The following FGF9 variants were observed in gnomAD, a reference collection of about 807,000 sequenced individuals.
The protein encoded by FGF9 is fibroblast growth factor 9 (glia-activating factor).
FGF9 carries 3 observed loss-of-function variants against 19.9 expected under a neutral mutation model. The ratio of observed to expected loss-of-function variants is 0.15; its 90% confidence interval spans 0.07 to 0.39. The LOEUF is 0.39. Ranked by LOEUF, FGF9 falls within the 10% of genes least tolerant of loss-of-function variation. The probability of loss-of-function intolerance (pLI) is 1.00; values close to 1 mark genes in which losing one functional copy is unlikely to be tolerated. For missense variants in FGF9, 175 were observed against 256.8 expected (o/e 0.68, Z 2.18); for synonymous variants, 107 against 106.9 (o/e 1.00, Z -0.01).
rs796452440 is a variant in FGF9, at chr13:21,701,764, C to G, written c.*329C>G. 3.2e-6 allele frequency: 1 copy of G among 309,984 alleles called. No homozygotes were observed. Among genetic ancestry groups the G allele is most frequent in the South Asian group, 3.4e-5 (1 of 29,356 alleles). 19.2% of individuals were successfully genotyped at this position (309,984 alleles called of 1,614,324 possible). A position where few individuals can be genotyped will look rare whatever the true frequency, so the allele number is the denominator to read the frequency against. ...GTATGTGTGTAGCGGGAGATGTGGG[C>G]GGAGCGAGAGCAAAAGGACTGCGGC... On this transcript the variant is annotated 3_prime_UTR_variant, in exon 3 of 3. Coordinates refer to ENST00000382353, the MANE Select transcript of FGF9 (RefSeq NM_002010.3).
In FGF9 at chr13:21,680,991, G is replaced by A. The variant is rs1330135871; in HGVS notation, c.278-51G>A. 9.3e-6 allele frequency: 13 copies of A among 1,398,256 alleles called. No individual in the cohort carries two copies. The Admixed American group carries it at 1.2e-4, about 13-fold the overall frequency. 86.6% of individuals were successfully genotyped at this position (1,398,256 alleles called of 1,614,324 possible). ...ACCCCAGGGATGCTGGGACTCTAAG[G>A]ACATGCTCTGTGATCTGATCTGTCC... On this transcript the variant is annotated intron_variant, in intron 1 of 2. Transcript: ENST00000382353.
chr13:21,690,870 G>A (rs17426559), intron 2 of FGF9, among the ~76,000 whole-genome samples: 4,058 of 152,304 alleles, frequency 0.027, 86 homozygotes, highest in South Asian at 0.055. Flanking sequence ...ACTGAAGTGC[G>A]GTCAACTGTT....
At chr13:21,685,942 G>C (rs993844041) in intron 2 of FGF9, among the ~76,000 whole-genome samples, 1 of 152,172 alleles carries the variant, frequency 6.6e-6, no homozygotes, top group African/African-American at 2.4e-5. Context: ...ACTTGGCCAG[G>C]GGATTAGAGT....
rs1048431691 is a variant in FGF9, at chr13:21,671,119, C to G, written c.-794C>G. 2.9e-4 allele frequency among the ~76,000 whole-genome samples: 44 copies of G among 152,214 alleles called. No homozygotes were observed. Among genetic ancestry groups the G allele is most frequent in the Non-Finnish European group, 1.0e-4 (7 of 67,976 alleles). On this transcript the variant is annotated 5_prime_UTR_variant, in exon 1 of 3. Transcript: ENST00000382353. ...GGCTGCGCAGGAGGAGCGCTCCGCC[C>G]GGCTACAACGCTCCGCGAGCCGGCG...
chr13:21,700,484 T>C (rs1468549000), intron 2 of FGF9, among the ~76,000 whole-genome samples: 3 of 152,166 alleles, frequency 2.0e-5, no homozygotes, highest in Non-Finnish European at 4.4e-5. Context: ...GCATCTCAGG[T>C]GATTCTGCTA....
chr13:21,680,127 G>A (rs1872008626), intron 1 of FGF9, among the ~76,000 whole-genome samples: 1 of 152,142 alleles, frequency 6.6e-6, no homozygotes, highest in African/African-American at 2.4e-5. Flanking sequence ...GGGGAAAGAA[G>A]GAAGTAAAAT....
rs113909909 is a variant in FGF9 at position 21,674,923 on chromosome 13, A to T, written c.277+2734A>T. ...TAGAAACCGTTAAACAAAAAGCTAG[A>T]CCCCTCACCCCTAGAGGTCAGAGAA... On this transcript the variant is annotated intron_variant, in intron 1 of 2. Transcript: ENST00000382353. Among the ~76,000 whole-genome samples the T allele has an allele frequency of 3.4e-3, 499 of 148,940 alleles. 2 individuals are homozygous for T. Among genetic ancestry groups the T allele is most frequent in the African/African-American group, 0.012 (477 of 40,476 alleles).
intron 2 of FGF9, among the ~76,000 whole-genome samples, chr13:21,686,626 T>C (rs1872164977): frequency 6.6e-6 from 1 of 152,222 alleles, no homozygotes; most frequent in African/African-American, 2.4e-5. Context: ...TAATTCCTGC[T>C]GGTCTCTTTG....
chr13:21,674,507 G>A (rs1256116581), intron 1 of FGF9, among the ~76,000 whole-genome samples: 1 of 151,942 alleles, frequency 6.6e-6, no homozygotes, highest in African/African-American at 2.4e-5. Flanking sequence ...GGAGCCCGGG[G>A]TGTGCGCGGG....
At chr13:21,701,146 A>G (rs1030487041) in intron 2 of FGF9, 44 bp from the exon 3 acceptor site, 2 of 1,537,946 alleles carry the variant, frequency 1.3e-6, no homozygotes, top group Non-Finnish European at 1.8e-6. Context: ...CCCAGCATGC[A>G]TTAGCTATTT....
chr13:21,698,951 C>G (rs186061095), intron 2 of FGF9, among the ~76,000 whole-genome samples: 1 of 152,320 alleles, frequency 6.6e-6, no homozygotes, highest in East Asian at 1.9e-4. Flanking sequence ...CCGAAACCAG[C>G]TATTTTTAGC....
chr13:21,690,209 A>G (rs190527926), intron 2 of FGF9, among the ~76,000 whole-genome samples: 1 of 152,148 alleles, frequency 6.6e-6, no homozygotes, highest in Non-Finnish European at 1.5e-5. Flanking sequence ...ACACTCTTCC[A>G]TCCACACATA....
intron 2 of FGF9, among the ~76,000 whole-genome samples, chr13:21,690,086 G>T (rs1323245572): frequency 2.0e-5 from 3 of 152,192 alleles, no homozygotes; most frequent in Non-Finnish European, 2.9e-5. Flanking sequence ...GGGTAGCGTA[G>T]TCTCTCTGGG....
At chr13:21,693,331 A>G (rs1448794367) in intron 2 of FGF9, among the ~76,000 whole-genome samples, 1 of 152,042 alleles carries the variant, frequency 6.6e-6, no homozygotes, top group Non-Finnish European at 1.5e-5. Flanking sequence ...GGACAGCCTC[A>G]TCTCCCTTGC....
intron 2 of FGF9, among the ~76,000 whole-genome samples, chr13:21,684,934 C>A (rs1872125488): frequency 6.6e-6 from 1 of 152,208 alleles, no homozygotes; most frequent in South Asian, 2.1e-4. Context: ...TCTGTTCCTC[C>A]AGCAGGTGAG....
At chr13:21,699,548 CTGT>C (rs1177133747) in intron 2 of FGF9, among the ~76,000 whole-genome samples, 1 of 152,116 alleles carries the variant, frequency 6.6e-6, no homozygotes, top group East Asian at 1.9e-4. Context: ...TCATGATGGG[CTGT>C]TGATTGATTT....
intron 2 of FGF9, among the ~76,000 whole-genome samples, chr13:21,683,449 C>T (rs1267622370): frequency 6.6e-6 from 1 of 152,152 alleles, no homozygotes; most frequent in Admixed American, 6.5e-5. Flanking sequence ...TTCTGGGAAG[C>T]CCAGCTGTCT....
intron 2 of FGF9, among the ~76,000 whole-genome samples, chr13:21,693,862 G>A (rs1872347458): frequency 6.6e-6 from 1 of 152,204 alleles, no homozygotes; most frequent in Non-Finnish European, 1.5e-5. Flanking sequence ...CCTTCTGGAA[G>A]CGTGAACGCA....
At position 21,671,845 on chromosome 13, in the gene FGF9, G is replaced by A. The variant is rs1217754571; in HGVS notation, c.-68G>A. 8 of 1,582,490 alleles carry A rather than the reference G, an allele frequency of 5.1e-6. No homozygotes were observed. The highest frequency in any genetic ancestry group is 6.9e-6 in the Non-Finnish European group (8 of 1,151,838). The stretch of plus-strand genomic sequence containing the variant: ...AAGGGAGGGGAGTTGGATATACCTC[G>A]CCTAATATCTCCTGGGTTGACACCA... On this transcript the variant is annotated 5_prime_UTR_variant, in exon 1 of 3. Coordinates refer to ENST00000382353, the MANE Select transcript of FGF9 (RefSeq NM_002010.3).
Sources: gnomAD v4.1 joint callset for allele counts (sites outside exome capture counted in the v4.1 genomes callset) on GRCh38, gnomAD v4.1.1 for gene constraint, MANE v1.5 for transcripts, NCBI Gene and HGNC (gene_info 2026-07-23, HGNC 2026-07-21) for gene names.